PSME4: variants seen among roughly 807,000 people sequenced by gnomAD.
PSME4 encodes proteasome activator complex subunit 4.
In PSME4, 89 loss-of-function variants were observed where a neutral mutation model predicts 253.9. That is an observed-to-expected ratio of 0.35 (90% CI 0.30 to 0.42). The LOEUF (loss-of-function observed/expected upper bound fraction) is 0.42. PSME4 is among the 10% of genes least tolerant of loss of function. The pLI is 1.00. For synonymous variants in PSME4, 851 were observed against 759.2 expected (o/e 1.12, Z -1.99); for missense variants, 2,014 against 2,195.2 (o/e 0.92, Z 1.65).
rs1442460834 is a variant in PSME4, at chr2:53,941,134, A to G, written c.501-1134T>C. On this transcript the variant is annotated intron_variant, in intron 3 of 46. Coordinates refer to ENST00000404125, the MANE Select transcript of PSME4 (RefSeq NM_014614.3). Reference sequence around the variant, plus strand: ...ATCTGCAAAGAAATTCCAAGGAATAACAGAGAGCAAACTCATCACAAATAA... The same window carrying G: ...ATCTGCAAAGAAATTCCAAGGAATAGCAGAGAGCAAACTCATCACAAATAA... Among the ~76,000 whole-genome samples the G allele has an allele frequency of 2.1e-5, 3 of 146,016 alleles. 1 individual carries two copies. Among genetic ancestry groups the G allele is most frequent in the Non-Finnish European group, 3.0e-5 (2 of 66,796 alleles).
intron 13 of PSME4, 33 bp downstream of exon 13, chr2:53,925,926 T>C (rs1259377025): frequency 3.2e-6 from 5 of 1,577,502 alleles, no homozygotes; most frequent in African/African-American, 2.7e-5. Flanking sequence ...TTCTAGAATT[T>C]CAGCTAAACG....
chr2:53,901,624 A>G, intron 27 of PSME4, 65 bp from the exon 28 acceptor site: 1 of 1,329,736 alleles, frequency 7.5e-7, no homozygotes, highest in South Asian at 1.3e-5. Context: ...GTTGTAGCCA[A>G]TGCACCTATG....
intron 1 of PSME4, among the ~76,000 whole-genome samples, chr2:53,964,001 T>G (rs1398130589): frequency 6.6e-6 from 1 of 152,178 alleles, no homozygotes; most frequent in African/African-American, 2.4e-5. Flanking sequence ...CTTTTGAATA[T>G]TTGATATTTT....
chr2:53,911,776 T>C (rs1667837722), intron 20 of PSME4, among the ~76,000 whole-genome samples: 2 of 152,240 alleles, frequency 1.3e-5, no homozygotes, highest in Admixed American at 6.5e-5. Flanking sequence ...ACTGTCACTT[T>C]AGTTACTGTC....
chr2:53,970,029 T>C (rs2104497819), intron 1 of PSME4, among the ~76,000 whole-genome samples: 1 of 152,194 alleles, frequency 6.6e-6, no homozygotes, highest in South Asian at 2.1e-4. Context: ...GCAAAACCCT[T>C]AAGTTTCCCT....
At chr2:53,871,065 C>G (rs1272785461) in intron 43 of PSME4, 2 of 152,194 alleles carry the variant, frequency 1.3e-5, no homozygotes, top group African/African-American at 2.4e-5. Context: ...TATAATGACA[C>G]AAAACTTAAA....
chr2:53,934,162 A>C (rs1016631814), intron 8 of PSME4, among the ~76,000 whole-genome samples: 2 of 152,190 alleles, frequency 1.3e-5, no homozygotes, highest in African/African-American at 4.8e-5. Flanking sequence ...AATGATGTCA[A>C]CAAAGTAATC....
At chr2:53,872,502 A>G (rs549307720) in intron 43 of PSME4, among the ~76,000 whole-genome samples, 1 of 152,134 alleles carries the variant, frequency 6.6e-6, no homozygotes, top group Admixed American at 6.5e-5. Context: ...ATAATTTATA[A>G]GGCCAAGGCG....
intron 11 of PSME4, among the ~76,000 whole-genome samples, chr2:53,927,748 A>G (rs1573309745): frequency 6.6e-6 from 1 of 152,096 alleles, no homozygotes; most frequent in African/African-American, 2.4e-5. Context: ...GGAGTTCGAG[A>G]CCAGCCTGGC....
chr2:53,887,200 T>C, intron 40 of PSME4, 59 bp downstream of exon 40: 1 of 1,453,586 alleles, frequency 6.9e-7, no homozygotes, highest in Non-Finnish European at 9.5e-7. Context: ...TGCAAAAAAC[T>C]CTACAGGATA....
At chr2:53,963,654 A>G (rs1670591816) in intron 1 of PSME4, among the ~76,000 whole-genome samples, 1 of 152,216 alleles carries the variant, frequency 6.6e-6, no homozygotes, top group Admixed American at 6.5e-5. Context: ...TTAATGAGCT[A>G]TTTTCTTGAT....
intron 8 of PSME4, 111 bp downstream of exon 8, chr2:53,934,494 C>G (rs1669011814): frequency 1.8e-6 from 2 of 1,087,460 alleles, no homozygotes; most frequent in East Asian, 4.9e-5. Context: ...ATCCAAGAAT[C>G]AAGTCACCAA....
Position 53,953,332 on chromosome 2 carries a change from T to C in PSME4, c.243-4049A>G, listed in dbSNP as rs189050690. Among the ~76,000 whole-genome samples the C allele has an allele frequency of 3.3e-5, 5 of 151,844 alleles. No homozygotes were observed. In the East Asian group the frequency reaches 9.7e-4, roughly 29 times the overall value. On this transcript the variant is annotated intron_variant, in intron 1 of 46. Coordinates refer to ENST00000404125, the MANE Select transcript of PSME4 (RefSeq NM_014614.3). ...GACAAAGAACTCATATCCAAATTACTAGTAAGAAAAAGACATAATCCAATT... is the reference window on the plus strand; with the variant it reads ...GACAAAGAACTCATATCCAAATTACCAGTAAGAAAAAGACATAATCCAATT...
At chr2:53,914,924 G>T (rs762149758) in intron 20 of PSME4, among the ~76,000 whole-genome samples, 1 of 152,092 alleles carries the variant, frequency 6.6e-6, no homozygotes, top group African/African-American at 2.4e-5. Context: ...AAGGCCCAAA[G>T]GTACATGGCA....
chr2:53,898,114 T>C, intron 30 of PSME4, 115 bp from the exon 31 acceptor site: 4 of 1,282,508 alleles, frequency 3.1e-6, no homozygotes, highest in Non-Finnish European at 4.3e-6. Context: ...ATAGGTCTAG[T>C]GAAGAATACT....
chr2:53,921,438 G>C lies in PSME4; in HGVS notation c.2047-334C>G, dbSNP rs562094221. Among the ~76,000 whole-genome samples the C allele has an allele frequency of 1.7e-4, 26 of 151,378 alleles. No homozygotes were observed. In the South Asian group the frequency reaches 4.4e-3, roughly 26 times the overall value. ...ATTTTTGTATTTTTAGTAGAGACAAGGTTTCACCATGTTGGCCAGGATGGT... is the reference window on the plus strand; with the variant it reads ...ATTTTTGTATTTTTAGTAGAGACAACGTTTCACCATGTTGGCCAGGATGGT... On this transcript the variant is annotated intron_variant, in intron 17 of 46. Coordinates refer to ENST00000404125, the MANE Select transcript of PSME4 (RefSeq NM_014614.3).
At chr2:53,928,542 A>G (rs928013315) in intron 10 of PSME4, among the ~76,000 whole-genome samples, 2 of 152,202 alleles carry the variant, frequency 1.3e-5, no homozygotes, top group Non-Finnish European at 2.9e-5. Flanking sequence ...ACGAGAGACC[A>G]TATTCACATA....
intron 43 of PSME4, chr2:53,870,893 C>T (rs968240807): frequency 6.6e-6 from 1 of 152,090 alleles, no homozygotes; most frequent in Non-Finnish European, 1.5e-5. Context: ...GCCTTGGCCT[C>T]CCAAAGTGCT....
intron 1 of PSME4, among the ~76,000 whole-genome samples, chr2:53,967,649 C>CAAAAAAAAAAAAAA (rs71408747): frequency 6.5e-4 from 14 of 21,560 alleles, no homozygotes; most frequent in East Asian, 2.8e-3. Flanking sequence ...GAGATTGTCT[C>CAAAAAAAAAAAAAA]AAAAAAAAAA....
Sources: gnomAD v4.1 joint callset for allele counts (sites outside exome capture counted in the v4.1 genomes callset) on GRCh38, gnomAD v4.1.1 for gene constraint, MANE v1.5 for transcripts, NCBI Gene and HGNC (gene_info 2026-07-23, HGNC 2026-07-21) for gene names.